Variants in PHACTR1 observed in about 807,000 individuals in gnomAD.
PHACTR1 encodes phosphatase and actin regulator 1.
Under a neutral mutation model 69.2 loss-of-function variants are expected in PHACTR1, and 16 were observed. That is an observed-to-expected ratio of 0.23 (90% confidence interval 0.16 to 0.35). The LOEUF (loss-of-function observed/expected upper bound fraction) is 0.35, where lower values mean the gene tolerates loss of function less well. Ranked by LOEUF, PHACTR1 falls within the 10% of genes least tolerant of loss-of-function variation. PHACTR1 has a pLI of 1.00. For synonymous variants in PHACTR1, 312 were observed against 284.5 expected (o/e 1.10, Z -0.97); for missense variants, 510 against 734.7 (o/e 0.69, Z 3.54).
intron 4 of PHACTR1, among the ~76,000 whole-genome samples, chr6:12,959,801 C>G (rs912976728): frequency 5.3e-5 from 8 of 152,234 alleles, no homozygotes; most frequent in African/African-American, 1.9e-4. Context: ...GCCTTCCACT[C>G]TAATTCTCTA....
intron 8 of PHACTR1, among the ~76,000 whole-genome samples, chr6:13,208,432 T>C (rs1247982117): frequency 6.6e-6 from 1 of 152,216 alleles, no homozygotes; most frequent in African/African-American, 2.4e-5. Flanking sequence ...AAAGCATCAG[T>C]TTGTGATGGA....
At chr6:13,033,372 G>A (rs1802762302) in intron 4 of PHACTR1, among the ~76,000 whole-genome samples, 1 of 152,096 alleles carries the variant, frequency 6.6e-6, no homozygotes, top group Non-Finnish European at 1.5e-5. Context: ...TGCAATGACT[G>A]CATACACTTG....
intron 4 of PHACTR1, among the ~76,000 whole-genome samples, chr6:12,987,411 T>G (rs1441157352): frequency 6.6e-6 from 1 of 152,130 alleles, no homozygotes; most frequent in Non-Finnish European, 1.5e-5. Flanking sequence ...TTGGAACAAT[T>G]TGTAATAGTT....
intron 4 of PHACTR1, among the ~76,000 whole-genome samples, chr6:13,013,936 C>A (rs1476516320): frequency 2.0e-5 from 3 of 151,010 alleles, no homozygotes; most frequent in Non-Finnish European, 3.0e-5. Context: ...GCGCTCCGTT[C>A]GCCGCGCTGC....
At chr6:13,196,426 T>TTTTTGTTTTTTTTTGTTTTTTTTTTG in intron 7 of PHACTR1, 1 of 165,186 alleles carries the variant, frequency 6.1e-6, no homozygotes, top group Admixed American at 6.4e-5. Flanking sequence ...CTTTCTTTTT[T>TTTTTGTTTTTTTTTGTTTTTTTTTTG]TTTTTGTTTT....
chr6:12,887,877 T>G (rs755898573), intron 4 of PHACTR1, among the ~76,000 whole-genome samples: 4 of 151,608 alleles, frequency 2.6e-5, no homozygotes, highest in Non-Finnish European at 5.9e-5. Context: ...GAGACCGGCC[T>G]GGGCAATATG....
intron 6 of PHACTR1, among the ~76,000 whole-genome samples, chr6:13,162,392 G>C (rs1298769233): frequency 6.6e-6 from 1 of 151,954 alleles, no homozygotes; most frequent in African/African-American, 2.4e-5. Flanking sequence ...CTCCCAAAGT[G>C]CTGGGATTAC....
chr6:12,850,481 A>T (rs1779724939), intron 4 of PHACTR1, among the ~76,000 whole-genome samples: 1 of 152,166 alleles, frequency 6.6e-6, no homozygotes, highest in Non-Finnish European at 1.5e-5. Flanking sequence ...TTACTTCTTC[A>T]TCATTTGTTC....
At chr6:12,869,276 C>T (rs1289776214) in intron 4 of PHACTR1, among the ~76,000 whole-genome samples, 1 of 152,114 alleles carries the variant, frequency 6.6e-6, no homozygotes, top group Non-Finnish European at 1.5e-5. Flanking sequence ...CTTCATAGTC[C>T]AACCCTATTT....
intron 4 of PHACTR1, among the ~76,000 whole-genome samples, chr6:12,881,148 T>C (rs1783055896): frequency 6.6e-6 from 1 of 152,136 alleles, no homozygotes; most frequent in Non-Finnish European, 1.5e-5. Context: ...CTGAATTGTG[T>C]AGGGAAGAAC....
intron 3 of PHACTR1, among the ~76,000 whole-genome samples, chr6:12,720,373 T>C (rs1260748671): frequency 1.3e-5 from 2 of 152,178 alleles, no homozygotes; most frequent in Non-Finnish European, 2.9e-5. Flanking sequence ...TGTCTTGCTG[T>C]GGGGATGCTT....
At chr6:13,286,103 GTC>G (rs1562132447) in intron 13 of PHACTR1, 41 bp from the exon 14 acceptor site, 2 of 1,522,592 alleles carry the variant, frequency 1.3e-6, no homozygotes, top group East Asian at 4.6e-5. Flanking sequence ...GTTTTTTTCT[GTC>G]TCTCTCCCAT....
At chr6:13,216,457 C>T (rs191976395) in intron 8 of PHACTR1, among the ~76,000 whole-genome samples, 2 of 152,356 alleles carry the variant, frequency 1.3e-5, no homozygotes, top group East Asian at 3.9e-4. Context: ...AAACTCTGAA[C>T]ACCTAGGTGT....
At chr6:12,762,048 A>G (rs1053028751) in intron 4 of PHACTR1, among the ~76,000 whole-genome samples, 5 of 152,154 alleles carry the variant, frequency 3.3e-5, no homozygotes, top group Non-Finnish European at 5.9e-5. Context: ...TTCAATAACA[A>G]AAGTGATTTC....
rs189803623 is a variant in PHACTR1, at chr6:13,182,268, G to A, written c.497-251G>A. Reference sequence around the variant, plus strand: ...AATAATAATAATACATAGAAAACGTGATGGATTCGGGTTAGAAAGACACAG... The same window carrying A: ...AATAATAATAATACATAGAAAACGTAATGGATTCGGGTTAGAAAGACACAG... On this transcript the variant is annotated intron_variant, in intron 6 of 14. Transcript: ENST00000332995. 7.6e-4 allele frequency among the ~76,000 whole-genome samples: 115 copies of A among 152,270 alleles called. 1 individual carries two copies. Among genetic ancestry groups the A allele is most frequent in the African/African-American group, 2.6e-3 (109 of 41,552 alleles).
chr6:13,205,702 A>C lies in PHACTR1; in HGVS notation c.665-113A>C, dbSNP rs562676310. 6.3e-5 allele frequency: 63 copies of C among 1,007,880 alleles called. No individual in the cohort carries two copies. The South Asian group carries it at 9.7e-4, about 15-fold the overall frequency. 62.4% of individuals were successfully genotyped at this position (1,007,880 alleles called of 1,614,324 possible). A position where few individuals can be genotyped will look rare whatever the true frequency, so the allele number is the denominator to read the frequency against. On this transcript the variant is annotated intron_variant, in intron 7 of 14. Transcript: ENST00000332995. Reference sequence around the variant, plus strand: ...CTGGTGCCTCCAACTGACGCATTTTACCTAAGAGGCTCAACTCATTGGCCA... The same window carrying C: ...CTGGTGCCTCCAACTGACGCATTTTCCCTAAGAGGCTCAACTCATTGGCCA...
intron 3 of PHACTR1, among the ~76,000 whole-genome samples, chr6:12,729,402 G>A (rs1418170657): frequency 2.0e-5 from 3 of 152,126 alleles, no homozygotes; most frequent in South Asian, 2.1e-4. Context: ...CAATTCACTT[G>A]CATTTGAGGG....
intron 5 of PHACTR1, among the ~76,000 whole-genome samples, chr6:13,135,055 C>T (rs1821333510): frequency 6.6e-6 from 1 of 152,146 alleles, no homozygotes; most frequent in African/African-American, 2.4e-5. Flanking sequence ...GATAACTGAG[C>T]CACTGACTGA....
chr6:13,044,164 TCA>T (rs1275490412), intron 4 of PHACTR1, among the ~76,000 whole-genome samples: 1 of 152,146 alleles, frequency 6.6e-6, no homozygotes, highest in African/African-American at 2.4e-5. Flanking sequence ...TCTGGTCTGT[TCA>T]CAATGTGCTC....
Sources: allele counts gnomAD v4.1 joint callset (sites outside exome capture counted in the v4.1 genomes callset), GRCh38; gene constraint gnomAD v4.1.1; transcripts MANE v1.5; gene names NCBI Gene and HGNC (gene_info 2026-07-23, HGNC 2026-07-21).